Variants in PDGFD observed in about 807,000 individuals in gnomAD.
PDGFD encodes platelet derived growth factor D, also known as platelet-derived growth factor D.
PDGFD carries 30 observed loss-of-function variants against 44.7 expected under a neutral mutation model. The observed-to-expected ratio is 0.67, with a 90% confidence interval of 0.50 to 0.91. The LOEUF (loss-of-function observed/expected upper bound fraction) is 0.91. Among genes scored for constraint, PDGFD ranks in the 40% least tolerant of loss-of-function variants. PDGFD has a pLI of 0.00. For missense variants in PDGFD, 445 were observed against 457.8 expected, an observed-to-expected ratio of 0.97 and a Z score of 0.25; for synonymous variants, 173 against 168.4, an observed-to-expected ratio of 1.03 and a Z score of -0.21.
chr11:103,998,989 C>CTT (rs11385988), intron 2 of PDGFD, among the ~76,000 whole-genome samples: 9 of 151,490 alleles, frequency 5.9e-5, no homozygotes, highest in African/African-American at 1.2e-4. Context: ...AATATTAGTT[C>CTT]TTTTTTTTTG....
At chr11:104,012,537 A>T (rs1023011825) in intron 1 of PDGFD, among the ~76,000 whole-genome samples, 1 of 152,236 alleles carries the variant, frequency 6.6e-6, no homozygotes, top group Non-Finnish European at 1.5e-5. Context: ...TTTTAGAATG[A>T]AACAAGCTTT....
At chr11:104,024,710 A>T (rs771567798) in intron 1 of PDGFD, among the ~76,000 whole-genome samples, 8 of 152,166 alleles carry the variant, frequency 5.3e-5, no homozygotes, top group Non-Finnish European at 1.0e-4. Flanking sequence ...AAATCACCTA[A>T]AGATGCATTT....
chr11:104,131,632 C>T (rs1257777508), intron 1 of PDGFD, among the ~76,000 whole-genome samples: 1 of 151,898 alleles, frequency 6.6e-6, no homozygotes, highest in Non-Finnish European at 1.5e-5. Flanking sequence ...CGGTGCTTTA[C>T]CATTCAGGAT....
At chr11:103,909,977 T>G (rs1213366424) in intron 6 of PDGFD, among the ~76,000 whole-genome samples, 158 bp from the exon 7 acceptor site, 1 of 152,218 alleles carries the variant, frequency 6.6e-6, no homozygotes, top group Admixed American at 6.5e-5. Context: ...GCTATTAGAA[T>G]GTACACATTT....
chr11:103,987,898 G>A (rs1181603429), intron 3 of PDGFD, among the ~76,000 whole-genome samples: 1 of 152,088 alleles, frequency 6.6e-6, no homozygotes, highest in Admixed American at 6.6e-5. Flanking sequence ...TCTTTCTTGT[G>A]TGCCCCAAAT....
chr11:104,052,898 C>A (rs1271074575), intron 1 of PDGFD, among the ~76,000 whole-genome samples: 1 of 122,800 alleles, frequency 8.1e-6, no homozygotes. Context: ...ATCAGAAAGA[C>A]TCTGTAGGAT....
chr11:103,965,033 T>C (rs1213753337), intron 3 of PDGFD, among the ~76,000 whole-genome samples: 1 of 151,626 alleles, frequency 6.6e-6, no homozygotes, highest in Non-Finnish European at 1.5e-5. Flanking sequence ...ATAAGATCAA[T>C]AGCATGAGTA....
intron 1 of PDGFD, among the ~76,000 whole-genome samples, chr11:104,111,533 C>T (rs1317248461): frequency 2.0e-5 from 3 of 152,058 alleles, no homozygotes; most frequent in African/African-American, 7.2e-5. Flanking sequence ...GCTGAGATTA[C>T]AGGTGTGAGC....
intron 3 of PDGFD, among the ~76,000 whole-genome samples, chr11:103,957,108 G>A (rs934783645): frequency 6.6e-6 from 1 of 152,158 alleles, no homozygotes; most frequent in African/African-American, 2.4e-5. Flanking sequence ...ATTGCTTTTG[G>A]TGTTTTAGAC....
chr11:104,118,842 T>A (rs1263565375), intron 1 of PDGFD, among the ~76,000 whole-genome samples: 2 of 30,640 alleles, frequency 6.5e-5, no homozygotes, highest in Non-Finnish European at 1.2e-4. Context: ...TAATATATAA[T>A]ATATTATATA....
chr11:104,130,000 GAAA>G (rs34312271), intron 1 of PDGFD, among the ~76,000 whole-genome samples: 1 of 128,582 alleles, frequency 7.8e-6, no homozygotes, highest in Non-Finnish European at 1.6e-5. Context: ...CAAGACCTCT[GAAA>G]AAAAAAAAAA....
intron 5 of PDGFD, among the ~76,000 whole-genome samples, chr11:103,938,837 T>C (rs1858534845): frequency 6.6e-6 from 1 of 152,228 alleles, no homozygotes; most frequent in Non-Finnish European, 1.5e-5. Flanking sequence ...CTTGTTTTTC[T>C]CAGGTTTGTC....
At chr11:103,995,243 C>G (rs1373555338) in intron 3 of PDGFD, among the ~76,000 whole-genome samples, 1 of 152,052 alleles carries the variant, frequency 6.6e-6, no homozygotes, top group Non-Finnish European at 1.5e-5. Context: ...GTTCAAGGAC[C>G]CTGTCTGTTC....
chr11:104,118,213 A>T (rs1278853098), intron 1 of PDGFD, among the ~76,000 whole-genome samples: 1 of 151,776 alleles, frequency 6.6e-6, no homozygotes, highest in Non-Finnish European at 1.5e-5. Flanking sequence ...GCATTTGTAG[A>T]TGGAGTCTTT....
At chr11:104,008,143 T>C (rs944750248) in intron 1 of PDGFD, among the ~76,000 whole-genome samples, 1 of 152,164 alleles carries the variant, frequency 6.6e-6, no homozygotes, top group East Asian at 1.9e-4. Flanking sequence ...ATGTCATCCC[T>C]CTGGCTTCTG....
chr11:104,097,748 T>A (rs2515081), intron 1 of PDGFD, among the ~76,000 whole-genome samples: 141,144 of 152,252 alleles, frequency 0.93, 65,480 homozygotes, highest in Middle Eastern at 0.99. Flanking sequence ...TCCTTTTACA[T>A]ATGAAGAAAT....
At chr11:103,937,704 T>A (rs1198294123) in intron 5 of PDGFD, among the ~76,000 whole-genome samples, 1 of 82,184 alleles carries the variant, frequency 1.2e-5, no homozygotes, top group Admixed American at 1.9e-4. Flanking sequence ...CCCTCCCCCC[T>A]CCCCCCACCC....
At chr11:104,126,396 G>A (rs12279801) in intron 1 of PDGFD, among the ~76,000 whole-genome samples, 19,838 of 152,110 alleles carry the variant, frequency 0.13, 1,427 homozygotes, top group East Asian at 0.29. Flanking sequence ...GACATCATCA[G>A]TATCAGTTTT....
In PDGFD at chr11:104,047,239, T is replaced by C. The variant is rs140467884; in HGVS notation, c.125-46984A>G. 9.9e-3 allele frequency among the ~76,000 whole-genome samples: 1,456 copies of C among 147,568 alleles called. 120 individuals carry two copies. Among genetic ancestry groups the C allele is most frequent in the African/African-American group, 0.033 (1,350 of 40,620 alleles). Reference sequence around the variant, plus strand: ...TCTTTATACTAGAATAATTTATAATTCTTTGGGTATATACCCAGTAATGGG... The same window carrying C: ...TCTTTATACTAGAATAATTTATAATCCTTTGGGTATATACCCAGTAATGGG... On this transcript the variant is annotated intron_variant, in intron 1 of 6. Coordinates refer to ENST00000393158, the MANE Select transcript of PDGFD (RefSeq NM_025208.5).
Sources: allele counts gnomAD v4.1 joint callset (sites outside exome capture counted in the v4.1 genomes callset), GRCh38; gene constraint gnomAD v4.1.1; transcripts MANE v1.5; gene names NCBI Gene and HGNC (gene_info 2026-07-23, HGNC 2026-07-21).